The following MBD5 variants were observed in gnomAD, a reference collection of about 807,000 sequenced individuals.
MBD5 encodes methyl-CpG binding domain protein 5.
A neutral mutation model predicts 117.3 loss-of-function variants in MBD5; 13 were observed. The ratio of observed to expected loss-of-function variants is 0.11; its 90% confidence interval spans 0.07 to 0.18. The LOEUF (loss-of-function observed/expected upper bound fraction) is 0.18, where lower values mean the gene tolerates loss of function less well. Ranked by LOEUF, MBD5 falls within the 10% of genes least tolerant of loss-of-function variation. MBD5 has a pLI of 1.00. For synonymous variants in MBD5, 727 were observed against 766.4 expected, an observed-to-expected ratio of 0.95 and a Z score of 0.85; for missense variants, 1,879 against 2,093.8, an observed-to-expected ratio of 0.90 and a Z score of 2.00.
At chr2:148,252,457 T>G (rs1700489861) in intron 3 of MBD5, among the ~76,000 whole-genome samples, 1 of 151,242 alleles carries the variant, frequency 6.6e-6, no homozygotes, top group Non-Finnish European at 1.5e-5. Context: ...TGAGATCCTG[T>G]CTCAAAAGGA....
At chr2:148,305,654 T>C (rs1574264486) in intron 3 of MBD5, among the ~76,000 whole-genome samples, 2 of 152,162 alleles carry the variant, frequency 1.3e-5, no homozygotes, top group East Asian at 3.9e-4. Context: ...ACACAATCTG[T>C]TATGGTAATT....
At chr2:148,157,299 C>A (rs1049923559) in intron 1 of MBD5, among the ~76,000 whole-genome samples, 3 of 151,904 alleles carry the variant, frequency 2.0e-5, no homozygotes, top group Non-Finnish European at 4.4e-5. Flanking sequence ...CCCCCCACCC[C>A]CAAACAGGCC....
intron 1 of MBD5, among the ~76,000 whole-genome samples, chr2:148,161,095 G>T (rs1480618611): frequency 6.6e-6 from 1 of 152,112 alleles, no homozygotes; most frequent in Non-Finnish European, 1.5e-5. Flanking sequence ...TCCTGGTACC[G>T]ATATATAGTT....
intron 4 of MBD5, among the ~76,000 whole-genome samples, chr2:148,406,826 G>T (rs146589989): frequency 4.6e-5 from 7 of 152,178 alleles, no homozygotes; most frequent in Non-Finnish European, 1.0e-4. Context: ...CTCTTCCTAC[G>T]GTCAGCTTCT....
At chr2:148,328,965 A>G (rs1036682108) in intron 3 of MBD5, among the ~76,000 whole-genome samples, 1 of 152,244 alleles carries the variant, frequency 6.6e-6, no homozygotes, top group African/African-American at 2.4e-5. Context: ...AAAAGTCATT[A>G]TAGCTCAATT....
chr2:148,515,214 C>G lies in MBD5; in HGVS notation c.*2273C>G, dbSNP rs758358328. On this transcript the variant is annotated 3_prime_UTR_variant, in exon 14 of 14. Coordinates refer to ENST00000642680, the MANE Select transcript of MBD5 (RefSeq NM_001378120.1). ...ATGTGTTGATATGTAAATTTTTTAG[C>G]CTTTGCTTTTCTGTCTTCAGGCTGA... 5.3e-5 allele frequency: 8 copies of G among 152,002 alleles called. No homozygotes were observed. The highest frequency in any genetic ancestry group is 8.8e-5 in the Non-Finnish European group (6 of 67,988). The allele number at this position is 152,002 out of a possible 1,614,324, so 9.4% of individuals were successfully genotyped here. A position where few individuals can be genotyped will look rare whatever the true frequency, so the allele number is the denominator to read the frequency against.
intron 1 of MBD5, among the ~76,000 whole-genome samples, chr2:148,129,351 C>G (rs1435955015): frequency 1.3e-5 from 2 of 151,982 alleles, no homozygotes; most frequent in Non-Finnish European, 2.9e-5. Flanking sequence ...AAAAATTAGC[C>G]AGGCGTGGCG....
chr2:148,480,575 T>C (rs1363945006), intron 8 of MBD5, among the ~76,000 whole-genome samples: 1 of 152,054 alleles, frequency 6.6e-6, no homozygotes, highest in East Asian at 1.9e-4. Context: ...TAAAAATATT[T>C]GTAAAGGTTT....
chr2:148,304,452 A>G lies in MBD5; in HGVS notation c.-679-37762A>G, dbSNP rs73013085. 4.9e-3 allele frequency among the ~76,000 whole-genome samples: 740 copies of G among 152,340 alleles called. 8 individuals are homozygous for G. The highest frequency in any genetic ancestry group is 0.017 in the African/African-American group (691 of 41,584). ...CTAGCATCACTGAATCAATTCTAGTACATTGTGGGTTGCAAAATTAGTTGA... is the reference window on the plus strand; with the variant it reads ...CTAGCATCACTGAATCAATTCTAGTGCATTGTGGGTTGCAAAATTAGTTGA... On this transcript the variant is annotated intron_variant, in intron 3 of 13. Transcript: ENST00000642680.
chr2:148,459,615 G>T lies in MBD5; in HGVS notation c.113+744G>T, dbSNP rs913509852. On this transcript the variant is annotated intron_variant, in intron 5 of 13. Coordinates refer to ENST00000642680, the MANE Select transcript of MBD5 (RefSeq NM_001378120.1). ...TCTTGTGATGTAATGAAAAATTTTA[G>T]AAACAACTTAAAACTTTTTAAAAGG... Among the ~76,000 whole-genome samples, 4 of 152,236 alleles carry T rather than the reference G, an allele frequency of 2.6e-5. No individual in the cohort carries two copies. In the South Asian group the frequency reaches 8.3e-4, roughly 32 times the overall value.
At chr2:148,242,000 A>G (rs906544548) in intron 3 of MBD5, among the ~76,000 whole-genome samples, 1 of 151,962 alleles carries the variant, frequency 6.6e-6, no homozygotes. Context: ...TTATTATTTC[A>G]TTTCATCATT....
chr2:148,324,824 A>G (rs896015615), intron 3 of MBD5, among the ~76,000 whole-genome samples: 6 of 151,998 alleles, frequency 3.9e-5, no homozygotes, highest in African/African-American at 1.5e-4. Context: ...AATACCCTTT[A>G]TTTCCTTCTC....
At chr2:148,344,249 A>T (rs140301950) in intron 4 of MBD5, among the ~76,000 whole-genome samples, 33 of 152,180 alleles carry the variant, frequency 2.2e-4, no homozygotes, top group African/African-American at 7.9e-4. Context: ...GGGTAATGTA[A>T]TGCTTTCAGA....
At chr2:148,505,597 T>C (rs1025024739) in intron 12 of MBD5, among the ~76,000 whole-genome samples, 1 of 152,058 alleles carries the variant, frequency 6.6e-6, no homozygotes, top group Admixed American at 6.6e-5. Context: ...CAGTTTCCAG[T>C]AGAGTGATGG....
intron 4 of MBD5, among the ~76,000 whole-genome samples, chr2:148,367,808 T>TGTTC (rs1559042267): frequency 0.02 from 3,033 of 152,132 alleles, 110 homozygotes; most frequent in African/African-American, 0.07. Flanking sequence ...GAATGGCAAT[T>TGTTC]ATTAAAAAGT....
intron 4 of MBD5, among the ~76,000 whole-genome samples, chr2:148,446,073 TC>T (rs1362972542): frequency 6.6e-6 from 1 of 150,976 alleles, no homozygotes; most frequent in African/African-American, 2.5e-5. Flanking sequence ...TTTCTCCCAT[TC>T]TGTAGGTTGC....
At chr2:148,025,398 G>A (rs1373948588) in intron 1 of MBD5, 1 of 151,760 alleles carries the variant, frequency 6.6e-6, no homozygotes, top group African/African-American at 2.4e-5. Flanking sequence ...ACTTAATACT[G>A]TATTCTAGGG....
intron 1 of MBD5, among the ~76,000 whole-genome samples, chr2:148,038,834 G>C (rs1210694118): frequency 1.3e-5 from 2 of 151,640 alleles, no homozygotes; most frequent in African/African-American, 4.8e-5. Context: ...GTTAACGAAG[G>C]GTTTGATTTT....
At chr2:148,481,208 A>T (rs1024737340) in intron 8 of MBD5, among the ~76,000 whole-genome samples, 1 of 152,200 alleles carries the variant, frequency 6.6e-6, no homozygotes, top group African/African-American at 2.4e-5. Context: ...AAATATGAAT[A>T]CCAGGCTTTA....
Sources: gnomAD v4.1 joint callset for allele counts (sites outside exome capture counted in the v4.1 genomes callset) on GRCh38, gnomAD v4.1.1 for gene constraint, MANE v1.5 for transcripts, NCBI Gene and HGNC (gene_info 2026-07-23, HGNC 2026-07-21) for gene names.